The following ATP6V1E1 variants were observed in gnomAD, a reference collection of about 807,000 sequenced individuals.
ATP6V1E1 encodes the protein ATPase H+ transporting V1 subunit E1.
In ATP6V1E1, 21 loss-of-function variants were observed where a neutral mutation model predicts 35.2. That is an observed-to-expected ratio of 0.60 (90% CI 0.42 to 0.86). The LOEUF (loss-of-function observed/expected upper bound fraction) is 0.86, where lower values mean the gene tolerates loss of function less well. ATP6V1E1 is among the 40% of genes least tolerant of loss of function. ATP6V1E1 has a pLI of 0.00. For missense variants in ATP6V1E1, 183 were observed against 272.6 expected (o/e 0.67, Z 2.32); for synonymous variants, 83 against 87.8 (o/e 0.95, Z 0.30).
At chr22:17,617,869 G>A (rs1057130521) in intron 2 of ATP6V1E1, among the ~76,000 whole-genome samples, 1 of 152,146 alleles carries the variant, frequency 6.6e-6, no homozygotes, top group Non-Finnish European at 1.5e-5. Context: ...GAGTGCAGTG[G>A]CACGATCTCT....
Position 17,598,280 on chromosome 22 carries a change from C to T in ATP6V1E1, c.444G>A (p.Val148=). The change falls in exon 7 of 9, where the codon GTG becomes GTA. Residue 148 remains valine, a synonymous_variant. Transcript: ENST00000253413. ...KQDFPLVKAA[V]QKAIPMYKIA... ...TTTTGTACATAGGAATTGCCTTCTG[C>T]ACTGCAGCCTGGAAGTATAGAACAC... The T allele has an allele frequency of 1.2e-6, 2 of 1,613,146 alleles. No individual in the cohort carries two copies. Among genetic ancestry groups the T allele is most frequent in the Admixed American group, 3.3e-5 (2 of 59,998 alleles).
intron 1 of ATP6V1E1, among the ~76,000 whole-genome samples, chr22:17,622,232 C>G (rs2057881065): frequency 6.6e-6 from 1 of 151,908 alleles, no homozygotes; most frequent in Admixed American, 6.6e-5. Flanking sequence ...AAGGTAAGCA[C>G]CACTGAGTAC....
In ATP6V1E1 at chr22:17,625,207, T is replaced by G. The variant is rs577120015; in HGVS notation, c.33+3396A>C. Among the ~76,000 whole-genome samples the G allele has an allele frequency of 5.3e-4, 81 of 152,288 alleles. 3 individuals carry two copies. The South Asian group carries it at 0.017, about 31-fold the overall frequency. On this transcript the variant is annotated intron_variant, in intron 1 of 8. Transcript: ENST00000253413. ...AAGAAGAAATACCCACTCGTCTTAG[T>G]GCATATTAGGTTAAGAATAAAATGA...
intron 1 of ATP6V1E1, among the ~76,000 whole-genome samples, chr22:17,624,853 AG>A (rs1300779725): frequency 6.6e-6 from 1 of 152,158 alleles, no homozygotes; most frequent in Non-Finnish European, 1.5e-5. Context: ...CTAGATTCCA[AG>A]GAACTATAGC....
chr22:17,615,065 G>T (rs963598828), intron 2 of ATP6V1E1, among the ~76,000 whole-genome samples: 4 of 152,108 alleles, frequency 2.6e-5, no homozygotes, highest in Non-Finnish European at 5.9e-5. Context: ...CAGTTTCGGA[G>T]GCTGAGGCAG....
intron 8 of ATP6V1E1, among the ~76,000 whole-genome samples, chr22:17,593,524 G>T (rs987399609): frequency 3.9e-5 from 6 of 152,190 alleles, no homozygotes; most frequent in African/African-American, 1.4e-4. Context: ...GTCCAACAGG[G>T]CAGTCCTAGC....
chr22:17,601,150 C>T lies in ATP6V1E1; in HGVS notation c.308G>A (p.Ser103Asn). Residue 103 changes from serine to asparagine, a missense_variant, in exon 5 of 9, where the codon AGC (serine) becomes AAC (asparagine). Transcript: ENST00000253413. ...CCTGGTTGTATCTTTTACCACCTTG[C>T]TGAGTCTCTGTTTTGCTTCATTTAG... The part of the protein sequence containing the change: ...DLLNEAKQRL[S>N]KVVKDTTRYQ... 6.2e-7 allele frequency: 1 copy of T among 1,613,740 alleles called. No homozygotes were observed. The highest frequency in any genetic ancestry group is 8.5e-7 in the Non-Finnish European group (1 of 1,179,754).
chr22:17,599,260 T>A (rs1394005063), intron 6 of ATP6V1E1, among the ~76,000 whole-genome samples: 1 of 151,052 alleles, frequency 6.6e-6, no homozygotes, highest in East Asian at 1.9e-4. Context: ...TAAAATGGTA[T>A]GTGTATTTTA....
intron 2 of ATP6V1E1, among the ~76,000 whole-genome samples, chr22:17,614,357 T>A (rs2057831271): frequency 6.6e-6 from 1 of 150,778 alleles, no homozygotes; most frequent in Admixed American, 6.6e-5. Flanking sequence ...TCTAAAAAAA[T>A]AAAAATAAAA....
chr22:17,624,060 G>GA (rs2057891478), intron 1 of ATP6V1E1, among the ~76,000 whole-genome samples: 1 of 152,004 alleles, frequency 6.6e-6, no homozygotes, highest in African/African-American at 2.4e-5. Context: ...TACTCCCCAG[G>GA]AAAAAAGCAA....
chr22:17,625,678 T>G (rs1568896386), intron 1 of ATP6V1E1, among the ~76,000 whole-genome samples: 2 of 152,218 alleles, frequency 1.3e-5, no homozygotes, highest in African/African-American at 4.8e-5. Flanking sequence ...GACTTAGTTC[T>G]CTAAACTATG....
At position 17,598,322 on chromosome 22, in the gene ATP6V1E1, AG is replaced by A. The variant is rs1373756703; in HGVS notation, c.436-35del. ...ATAGAACACAATGAGAGGTGTCACTAGGAACTATGAAGCAAGTATCCAAAAA... is the reference window on the plus strand; with the variant it reads ...ATAGAACACAATGAGAGGTGTCACTAGAACTATGAAGCAAGTATCCAAAAA... On this transcript the variant is annotated intron_variant, in intron 6 of 8. Transcript: ENST00000253413. 7 of 1,518,426 alleles carry A rather than the reference AG, an allele frequency of 4.6e-6. 1 individual carries two copies. The East Asian group carries it at 9.0e-5, about 20-fold the overall frequency. The allele number at this position is 1,518,426 out of a possible 1,614,324, so 94.1% of individuals were successfully genotyped here.
At chr22:17,593,904 T>C (rs1347252088) in intron 8 of ATP6V1E1, among the ~76,000 whole-genome samples, 1 of 152,168 alleles carries the variant, frequency 6.6e-6, no homozygotes, top group African/African-American at 2.4e-5. Context: ...TGATAATTCC[T>C]TTAAATAAGT....
intron 2 of ATP6V1E1, among the ~76,000 whole-genome samples, chr22:17,617,382 C>A (rs1172014483): frequency 6.6e-6 from 1 of 152,028 alleles, no homozygotes; most frequent in Non-Finnish European, 1.5e-5. Flanking sequence ...CAACCTCCAC[C>A]TCCCGGGTTC....
chr22:17,615,447 A>G (rs2057839113), intron 2 of ATP6V1E1, among the ~76,000 whole-genome samples: 1 of 152,058 alleles, frequency 6.6e-6, no homozygotes. Flanking sequence ...GAGTTCCAAG[A>G]CGAGCCTGGC....
At chr22:17,599,933 A>AT in intron 6 of ATP6V1E1, 94 bp downstream of exon 6, 1 of 1,006,774 alleles carries the variant, frequency 9.9e-7, no homozygotes, top group Non-Finnish European at 1.5e-6. Flanking sequence ...CAAAAAAAAA[A>AT]GAAAAGGAAG....
intron 8 of ATP6V1E1, among the ~76,000 whole-genome samples, chr22:17,593,220 C>T (rs16980882): frequency 0.023 from 3,442 of 152,008 alleles, 125 homozygotes; most frequent in African/African-American, 0.079. Context: ...TGGTGAGAAA[C>T]TTAACTCATC....
intron 7 of ATP6V1E1, 147 bp downstream of exon 7, chr22:17,598,047 A>AT (rs1193783658): frequency 4.0e-5 from 26 of 654,026 alleles, no homozygotes; most frequent in Admixed American, 1.3e-4. Context: ...GAACAACAGG[A>AT]ACGGCTGCAA....
At chr22:17,620,081 C>T (rs1344699551) in intron 1 of ATP6V1E1, among the ~76,000 whole-genome samples, 1 of 152,144 alleles carries the variant, frequency 6.6e-6, no homozygotes, top group Non-Finnish European at 1.5e-5. Context: ...CATCTCCTCG[C>T]CCCTTGATCT....
Sources: allele counts gnomAD v4.1 joint callset (sites outside exome capture counted in the v4.1 genomes callset), GRCh38; gene constraint gnomAD v4.1.1; transcripts MANE v1.5; gene names NCBI Gene and HGNC (gene_info 2026-07-23, HGNC 2026-07-21).